BTBD10: variants seen among roughly 807,000 people sequenced by gnomAD.
The protein encoded by BTBD10 is BTB/POZ domain-containing protein 10.
Under a neutral mutation model 53.2 loss-of-function variants are expected in BTBD10, and 21 were observed. The observed-to-expected ratio is 0.39, with a 90% confidence interval of 0.28 to 0.57. The LOEUF (loss-of-function observed/expected upper bound fraction) is 0.57. Ranked by LOEUF, BTBD10 falls within the 20% of genes least tolerant of loss-of-function variation. BTBD10 has a pLI of 0.53. For synonymous variants in BTBD10, 149 were observed against 192.7 expected, an observed-to-expected ratio of 0.77 and a Z score of 1.88; for missense variants, 360 against 594.7, an observed-to-expected ratio of 0.61 and a Z score of 4.10.
intron 2 of BTBD10, among the ~76,000 whole-genome samples, chr11:13,426,228 CA>C (rs1950336642): frequency 6.6e-6 from 1 of 151,982 alleles, no homozygotes; most frequent in South Asian, 2.1e-4. Context: ...AGGTTTTTCA[CA>C]GCCAGTAAAA....
intron 2 of BTBD10, among the ~76,000 whole-genome samples, chr11:13,441,451 A>G (rs942105978): frequency 1.2e-4 from 18 of 152,226 alleles, no homozygotes; most frequent in African/African-American, 3.8e-4. Context: ...CTTTTGAAAA[A>G]AGAAGGAAAA....
intron 1 of BTBD10, among the ~76,000 whole-genome samples, chr11:13,462,336 A>C (rs1951118886): frequency 2.0e-5 from 3 of 152,252 alleles, no homozygotes; most frequent in Admixed American, 2.0e-4. Flanking sequence ...TCTTCGTAAA[A>C]TAATCTTGTT....
chr11:13,395,082 G>A (rs1949505895), intron 8 of BTBD10, among the ~76,000 whole-genome samples: 2 of 146,876 alleles, frequency 1.4e-5, no homozygotes, highest in Non-Finnish European at 3.0e-5. Flanking sequence ...TGGGTCAAAT[G>A]GTATTTCTAG....
At chr11:13,452,674 A>G (rs1950885142) in intron 1 of BTBD10, among the ~76,000 whole-genome samples, 2 of 152,186 alleles carry the variant, frequency 1.3e-5, no homozygotes, top group South Asian at 2.1e-4. Flanking sequence ...TACTTCTGCC[A>G]CAACAGTGAG....
chr11:13,449,968 G>A (rs1950825222), intron 1 of BTBD10, among the ~76,000 whole-genome samples: 1 of 152,176 alleles, frequency 6.6e-6, no homozygotes, highest in Non-Finnish European at 1.5e-5. Flanking sequence ...TGGGGACACA[G>A]TCAAACCATA....
intron 8 of BTBD10, among the ~76,000 whole-genome samples, chr11:13,390,605 G>A (rs1949383086): frequency 6.6e-6 from 1 of 152,122 alleles, no homozygotes; most frequent in South Asian, 2.1e-4. Flanking sequence ...CCATAGTGCT[G>A]GGATTACAGG....
intron 1 of BTBD10, among the ~76,000 whole-genome samples, chr11:13,455,552 T>C (rs1950947574): frequency 6.6e-6 from 1 of 152,214 alleles, no homozygotes; most frequent in Non-Finnish European, 1.5e-5. Flanking sequence ...TAGGCTACCT[T>C]CTTAAAACTC....
At chr11:13,436,403 T>C (rs1950544144) in intron 2 of BTBD10, among the ~76,000 whole-genome samples, 1 of 152,178 alleles carries the variant, frequency 6.6e-6, no homozygotes, top group Non-Finnish European at 1.5e-5. Context: ...TCCCTAGACA[T>C]TGCCAACACC....
intron 5 of BTBD10, among the ~76,000 whole-genome samples, chr11:13,415,080 C>T (rs1950067064): frequency 6.8e-6 from 1 of 146,020 alleles, no homozygotes; most frequent in Admixed American, 6.9e-5. Context: ...GGCTGTGGCA[C>T]AAACGGTCAC....
At chr11:13,424,703 T>C (rs573148148) in intron 2 of BTBD10, among the ~76,000 whole-genome samples, 1 of 152,032 alleles carries the variant, frequency 6.6e-6, no homozygotes, top group Admixed American at 6.5e-5. Context: ...CAAGATAGAA[T>C]AACAAGGGCT....
At chr11:13,428,569 A>G (rs910063074) in intron 2 of BTBD10, among the ~76,000 whole-genome samples, 2 of 152,156 alleles carry the variant, frequency 1.3e-5, no homozygotes, top group Non-Finnish European at 1.5e-5. Context: ...TTGAACTAAA[A>G]GAAAGTGGAA....
In BTBD10 at chr11:13,389,119, T is replaced by C. The variant is rs1342584307; in HGVS notation, c.1140A>G (p.Lys380=). ...GIEGYPTYKE[K]VKKRPGGRPE... ...GGCGGCCTCCAGGCCTTTTCTTTAC[T>C]TTTTCTTTGTAGGTAGGATAACCTG... is the stretch of plus-strand genomic sequence containing the variant. The change falls in exon 9 of 9, where the codon AAA becomes AAG. Residue 380 remains lysine (K), a synonymous_variant. Coordinates refer to ENST00000278174, the MANE Select transcript of BTBD10 (RefSeq NM_032320.7). 1.7e-5 allele frequency: 27 copies of C among 1,611,630 alleles called. No individual in the cohort carries two copies. Among genetic ancestry groups the C allele is most frequent in the Admixed American group, 8.4e-5 (5 of 59,564 alleles).
In BTBD10 at chr11:13,426,769, T is replaced by G. The variant is rs115133013; in HGVS notation, c.102-4931A>C. ...GATAAAATAAAATCATAAAAAAGGA[T>G]TTGGCTAATCCAAGAAGGCAAAGGA... is the stretch of plus-strand genomic sequence containing the variant. On this transcript the variant is annotated intron_variant, in intron 2 of 8. Coordinates refer to ENST00000278174, the MANE Select transcript of BTBD10 (RefSeq NM_032320.7). Among the ~76,000 whole-genome samples the G allele has an allele frequency of 6.8e-3, 1,036 of 152,016 alleles. 17 individuals carry two copies. Among genetic ancestry groups the G allele is most frequent in the African/African-American group, 0.024 (988 of 41,442 alleles).
In BTBD10 at chr11:13,449,520, G is replaced by C. The variant is rs369460174; in HGVS notation, c.-57-4339C>G. ...AAAAAAAAAAAGAATTGATATTTTT[G>C]CTTATTACCAACAATGTGCCTTTTA... On this transcript the variant is annotated intron_variant, in intron 1 of 8. Coordinates refer to ENST00000278174, the MANE Select transcript of BTBD10 (RefSeq NM_032320.7). Among the ~76,000 whole-genome samples the C allele has an allele frequency of 1.1e-4, 16 of 151,560 alleles. No individual in the cohort carries two copies. In the East Asian group the frequency reaches 1.2e-3, roughly 11 times the overall value.
At chr11:13,428,630 T>C (rs1462224112) in intron 2 of BTBD10, among the ~76,000 whole-genome samples, 1 of 152,030 alleles carries the variant, frequency 6.6e-6, no homozygotes, top group Non-Finnish European at 1.5e-5. Flanking sequence ...CAAATATCAA[T>C]ATTCTAAACA....
intron 8 of BTBD10, among the ~76,000 whole-genome samples, chr11:13,394,208 GCT>G (rs1949477238): frequency 6.6e-6 from 1 of 152,266 alleles, no homozygotes; most frequent in South Asian, 2.1e-4. Flanking sequence ...ATATGGTTTG[GCT>G]CTGTGTTCCC....
intron 2 of BTBD10, among the ~76,000 whole-genome samples, chr11:13,426,636 C>T (rs1950344582): frequency 6.6e-6 from 1 of 152,040 alleles, no homozygotes; most frequent in African/African-American, 2.4e-5. Flanking sequence ...AACAGTATAA[C>T]ATCACTTGAA....
chr11:13,404,124 T>G (rs976923584), intron 7 of BTBD10, among the ~76,000 whole-genome samples: 1 of 152,162 alleles, frequency 6.6e-6, no homozygotes, highest in Non-Finnish European at 1.5e-5. Flanking sequence ...TGGGGTAAAT[T>G]TGTGATTATT....
Position 13,413,625 on chromosome 11 carries a change from C to A in BTBD10, c.713G>T (p.Arg238Leu), listed in dbSNP as rs368074216. ...ILDYYKTGII[R>L]CPDGISIPEL... is the part of the protein sequence containing the mutation. ...AGGAATAGATATGCCATCAGGACAA[C>A]GGATTATTCCTGTTTTATAGTAATC... The change falls in exon 6 of 9, where the codon CGT becomes CTT. Residue 238 changes from arginine (R) to leucine (L), a missense_variant. Physicochemically the swap from Arg to Leu is moderately radical, Grantham distance 102. Transcript: ENST00000278174. The A allele has an allele frequency of 1.2e-6, 2 of 1,610,176 alleles. No homozygotes were observed. Among genetic ancestry groups the A allele is most frequent in the African/African-American group, 1.3e-5 (1 of 74,890 alleles).
Sources: allele counts gnomAD v4.1 joint callset (sites outside exome capture counted in the v4.1 genomes callset), GRCh38; gene constraint gnomAD v4.1.1; transcripts MANE v1.5; gene names NCBI Gene and HGNC (gene_info 2026-07-23, HGNC 2026-07-21).